DPP10: variants seen among roughly 807,000 people sequenced by gnomAD.
DPP10 encodes the protein dipeptidyl peptidase like 10.
DPP10 carries 33 observed loss-of-function variants against 120.9 expected under a neutral mutation model. That is an observed-to-expected ratio of 0.27 (90% CI 0.21 to 0.37). The LOEUF is 0.37. DPP10 is among the 10% of genes least tolerant of loss of function. The pLI, the probability that DPP10 is intolerant of heterozygous loss-of-function variation, is 1.00. For missense variants in DPP10, 816 were observed against 942.8 expected, an observed-to-expected ratio of 0.87 and a Z score of 1.76; for synonymous variants, 337 against 326.1, an observed-to-expected ratio of 1.03 and a Z score of -0.36.
chr2:114,898,278 C>T (rs1574444074), intron 1 of DPP10, among the ~76,000 whole-genome samples: 1 of 147,990 alleles, frequency 6.8e-6, no homozygotes, highest in African/African-American at 2.5e-5. Flanking sequence ...TATTCTCACT[C>T]GTAGATGGGA....
In DPP10 at chr2:114,859,021, T is replaced by G. The variant is rs1026644884; in HGVS notation, c.60+416183T>G. 2.6e-5 allele frequency among the ~76,000 whole-genome samples: 4 copies of G among 152,062 alleles called. No homozygotes were observed. The East Asian group carries it at 7.7e-4, about 29-fold the overall frequency. ...TACCTGTGTGTATGCAGTGTCATGA[T>G]AACTAGTTGAGAAATAAATTATTGG... On this transcript the variant is annotated intron_variant, in intron 1 of 25. Coordinates refer to ENST00000410059, the MANE Select transcript of DPP10 (RefSeq NM_020868.6).
chr2:114,838,145 A>G (rs1198200322), intron 1 of DPP10, among the ~76,000 whole-genome samples: 2 of 152,270 alleles, frequency 1.3e-5, no homozygotes, highest in South Asian at 4.1e-4. Flanking sequence ...GTCTGTGGCC[A>G]TATCACCTCC....
At chr2:114,852,028 G>C (rs1033174397) in intron 1 of DPP10, among the ~76,000 whole-genome samples, 1 of 151,526 alleles carries the variant, frequency 6.6e-6, no homozygotes, top group African/African-American at 2.4e-5. Context: ...GTGTATAGAG[G>C]GATTCATGAT....
intron 3 of DPP10, among the ~76,000 whole-genome samples, chr2:115,474,799 G>C (rs1597193): frequency 0.55 from 83,352 of 151,478 alleles, 24,420 homozygotes; most frequent in Non-Finnish European, 0.67. Flanking sequence ...TAAGTAAAGA[G>C]GAGCCAATTA....
intron 1 of DPP10, among the ~76,000 whole-genome samples, chr2:115,304,698 C>A (rs771995611): frequency 1.3e-5 from 2 of 151,916 alleles, no homozygotes; most frequent in Non-Finnish European, 2.9e-5. Context: ...CTTAAAAAAA[C>A]AAATTTTGGT....
At chr2:114,818,350 C>T (rs961300137) in intron 1 of DPP10, among the ~76,000 whole-genome samples, 1 of 152,120 alleles carries the variant, frequency 6.6e-6, no homozygotes, top group African/African-American at 2.4e-5. Flanking sequence ...CTTCAAGTAA[C>T]TATATGTTGA....
intron 1 of DPP10, among the ~76,000 whole-genome samples, chr2:115,125,388 G>C (rs1240938372): frequency 1.3e-5 from 2 of 152,074 alleles, no homozygotes; most frequent in Non-Finnish European, 2.9e-5. Flanking sequence ...TGTAAAACTT[G>C]AGAAAGTTAT....
At chr2:115,211,889 A>G (rs1426976459) in intron 1 of DPP10, among the ~76,000 whole-genome samples, 1 of 152,172 alleles carries the variant, frequency 6.6e-6, no homozygotes, top group Non-Finnish European at 1.5e-5. Flanking sequence ...TTTTTTGAAT[A>G]AACAAGTAAA....
chr2:114,497,139 A>ATACACGTGTATACATGTAGGTG lies in DPP10; in HGVS notation c.60+54319_60+54340dup, dbSNP rs1222359478. Reference sequence around the variant, plus strand: ...CATGCACACGTGTATACATGTAGGTATACACGTGTATACATGTAGGTGTAC... The same window carrying ATACACGTGTATACATGTAGGTG: ...CATGCACACGTGTATACATGTAGGTATACACGTGTATACATGTAGGTGTACACGTGTATACATGTAGGTGTAC... On this transcript the variant is annotated intron_variant, in intron 1 of 25. Coordinates refer to ENST00000410059, the MANE Select transcript of DPP10 (RefSeq NM_020868.6). Among the ~76,000 whole-genome samples, 1,287 of 149,262 alleles carry ATACACGTGTATACATGTAGGTG rather than the reference A, an allele frequency of 8.6e-3. 16 individuals carry two copies. Among genetic ancestry groups the ATACACGTGTATACATGTAGGTG allele is most frequent in the Non-Finnish European group, 0.011 (755 of 67,222 alleles).
intron 2 of DPP10, 113 bp downstream of exon 2, chr2:115,309,466 G>A (rs2061493854): frequency 1.1e-6 from 1 of 913,850 alleles, no homozygotes; most frequent in Non-Finnish European, 1.6e-6. Context: ...ATTAGCATGG[G>A]TTGGAATTTG....
chr2:114,460,341 G>A (rs1678829147), intron 1 of DPP10, among the ~76,000 whole-genome samples: 1 of 152,074 alleles, frequency 6.6e-6, no homozygotes, highest in Non-Finnish European at 1.5e-5. Flanking sequence ...TTTTGGTATA[G>A]TACTGACTTT....
intron 1 of DPP10, among the ~76,000 whole-genome samples, chr2:115,043,524 T>C (rs1292703662): frequency 2.0e-5 from 3 of 152,216 alleles, no homozygotes; most frequent in Admixed American, 2.0e-4. Flanking sequence ...CAGTGGCTGA[T>C]GCCTACCGTA....
At chr2:115,642,820 A>G (rs2086895539) in intron 5 of DPP10, among the ~76,000 whole-genome samples, 1 of 152,052 alleles carries the variant, frequency 6.6e-6, no homozygotes, top group Admixed American at 6.6e-5. Flanking sequence ...TATAGATTTA[A>G]TATATACTAT....
chr2:114,642,103 C>T (rs1490587445), intron 1 of DPP10, among the ~76,000 whole-genome samples: 1 of 151,922 alleles, frequency 6.6e-6, no homozygotes, highest in Non-Finnish European at 1.5e-5. Context: ...GAGAGTTCTG[C>T]TATCTTCTCC....
chr2:115,259,431 C>A (rs1031514420), intron 1 of DPP10, among the ~76,000 whole-genome samples: 12 of 151,488 alleles, frequency 7.9e-5, no homozygotes, highest in Admixed American at 2.0e-4. Flanking sequence ...TTGCAGTGAG[C>A]CGAGATCGCA....
intron 1 of DPP10, among the ~76,000 whole-genome samples, chr2:114,941,975 A>G (rs1013970566): frequency 6.6e-6 from 1 of 152,078 alleles, no homozygotes; most frequent in Middle Eastern, 3.2e-3. Context: ...TTGTCAGATC[A>G]AAAAGTATGA....
chr2:115,322,807 G>T (rs1294235295), intron 2 of DPP10, among the ~76,000 whole-genome samples: 1 of 152,102 alleles, frequency 6.6e-6, no homozygotes, highest in African/African-American at 2.4e-5. Flanking sequence ...CGTATTTGTA[G>T]TTTATTAAGT....
At position 114,845,427 on chromosome 2, in the gene DPP10, G is replaced by A. The variant is rs115531544; in HGVS notation, c.60+402589G>A. On this transcript the variant is annotated intron_variant, in intron 1 of 25. Transcript: ENST00000410059. Reference sequence around the variant, plus strand: ...AAATAAAGTTAGTTTAAAAAAATCTGTCAGAGTTGAGTATTTGTTGGAATT... The same window carrying A: ...AAATAAAGTTAGTTTAAAAAAATCTATCAGAGTTGAGTATTTGTTGGAATT... 5.6e-3 allele frequency among the ~76,000 whole-genome samples: 856 copies of A among 152,186 alleles called. 4 individuals carry two copies. The highest frequency in any genetic ancestry group is 0.019 in the African/African-American group (792 of 41,522).
At position 115,699,023 on chromosome 2, in the gene DPP10, AAAAAAAAAAAAAC is replaced by A. The variant is rs1159343669; in HGVS notation, c.576+9115_576+9127del. Among the ~76,000 whole-genome samples the A allele has an allele frequency of 6.2e-4, 23 of 37,110 alleles. 1 individual carries two copies. The South Asian group carries it at 0.014, about 22-fold the overall frequency. The allele number at this position is 37,110 out of a possible 152,430, so 24.3% of individuals were successfully genotyped here. ...GGCAAACCTTTAGTTAGCTTGACTGAAAAAAAAAAAAACAAAAAAAAAAAAACAAGAGAAGACT... is the reference window on the plus strand; with the variant it reads ...GGCAAACCTTTAGTTAGCTTGACTGAAAAAAAAAAAAAACAAGAGAAGACT... On this transcript the variant is annotated intron_variant, in intron 7 of 25. Transcript: ENST00000410059.
Sources: allele counts gnomAD v4.1 joint callset (sites outside exome capture counted in the v4.1 genomes callset), GRCh38; gene constraint gnomAD v4.1.1; transcripts MANE v1.5; gene names NCBI Gene and HGNC (gene_info 2026-07-23, HGNC 2026-07-21).